Variants in RBFOX1 observed in about 807,000 individuals in gnomAD.
The protein encoded by RBFOX1 is RNA binding fox-1 homolog 1, also known as RNA binding protein fox-1 homolog 1.
RBFOX1 carries 8 observed loss-of-function variants against 57.7 expected under a neutral mutation model. That is an observed-to-expected ratio of 0.14 (90% CI 0.08 to 0.25). The LOEUF is 0.25. Ranked by LOEUF, RBFOX1 falls within the 10% of genes least tolerant of loss-of-function variation. The pLI is 1.00. For synonymous variants in RBFOX1, 326 were observed against 222.4 expected (o/e 1.47, Z -4.15); for missense variants, 611 against 548.5 (o/e 1.11, Z -1.14).
intron 4 of RBFOX1, chr16:7,510,320 T>TG: frequency 1.0e-6 from 1 of 985,806 alleles, no homozygotes; most frequent in Non-Finnish European, 1.2e-6. Context: ...CAGGTATTTT[T>TG]GTTTTTTTTT....
chr16:5,917,869 C>CG (rs2058743205), intron 4 of RBFOX1, among the ~76,000 whole-genome samples: 1 of 152,120 alleles, frequency 6.6e-6, no homozygotes, highest in Non-Finnish European at 1.5e-5. Context: ...CCCTGGTCCC[C>CG]GTCAGGTTCC....
intron 2 of RBFOX1, among the ~76,000 whole-genome samples, chr16:5,514,755 G>A (rs2043729065): frequency 6.6e-6 from 1 of 152,232 alleles, no homozygotes; most frequent in East Asian, 1.9e-4. Context: ...GGAGGAAGGG[G>A]AAGAGGGGGA....
intron 1 of RBFOX1, among the ~76,000 whole-genome samples, chr16:5,277,635 C>T (rs1250355306): frequency 6.6e-6 from 1 of 152,070 alleles, no homozygotes; most frequent in Admixed American, 6.6e-5. Flanking sequence ...TATATAGCTC[C>T]AGGGCACACA....
At chr16:5,712,973 T>G (rs2051549770) in intron 3 of RBFOX1, among the ~76,000 whole-genome samples, 1 of 71,550 alleles carries the variant, frequency 1.4e-5, no homozygotes, top group Non-Finnish European at 4.3e-5. Context: ...TCTGAGGACA[T>G]CCTTGTAGTA....
chr16:6,221,127 A>G (rs2097370599), intron 1 of RBFOX1, among the ~76,000 whole-genome samples: 1 of 152,186 alleles, frequency 6.6e-6, no homozygotes, highest in Admixed American at 6.5e-5. Flanking sequence ...GTGTAATCAT[A>G]GGATTAGGGA....
chr16:6,215,031 A>T lies in RBFOX1; in HGVS notation c.-126-101964A>T, dbSNP rs1318012686. 9.8e-5 allele frequency among the ~76,000 whole-genome samples: 11 copies of T among 112,418 alleles called. No homozygotes were observed. In the East Asian group the frequency reaches 3.8e-3, roughly 38 times the overall value. The allele number at this position is 112,418 out of a possible 152,430, so 73.8% of individuals were successfully genotyped here. A position where few individuals can be genotyped will look rare whatever the true frequency, so the allele number is the denominator to read the frequency against. ...GGGAGAAGGGGAGAGGTAAAAGGAA[A>T]TGGAGAGGGAGAGGGGAGAAGGAGA... On this transcript the variant is annotated intron_variant, in intron 1 of 15. Coordinates refer to ENST00000550418, the MANE Select transcript of RBFOX1 (RefSeq NM_018723.4).
intron 4 of RBFOX1, among the ~76,000 whole-genome samples, chr16:5,931,430 A>G (rs575426046): frequency 5.3e-5 from 8 of 152,150 alleles, no homozygotes; most frequent in Non-Finnish European, 1.0e-4. Context: ...AGTGGGAGAA[A>G]AGTTTGACAG....
chr16:5,912,270 G>C (rs2058618567), intron 4 of RBFOX1, among the ~76,000 whole-genome samples: 1 of 152,146 alleles, frequency 6.6e-6, no homozygotes, highest in Non-Finnish European at 1.5e-5. Flanking sequence ...GGCAAGACCT[G>C]TCAGTTTCTC....
At chr16:5,523,646 GAAAC>G (rs2044116588) in intron 2 of RBFOX1, among the ~76,000 whole-genome samples, 1 of 150,172 alleles carries the variant, frequency 6.7e-6, no homozygotes, top group Non-Finnish European at 1.5e-5. Context: ...CAAACAAACA[GAAAC>G]AAACAAAAAC....
intron 1 of RBFOX1, among the ~76,000 whole-genome samples, chr16:6,302,980 G>A (rs568259343): frequency 6.6e-6 from 1 of 152,286 alleles, no homozygotes; most frequent in Non-Finnish European, 1.5e-5. Flanking sequence ...TTATGTGGGG[G>A]TGTCTCTCAT....
At chr16:7,249,271 C>T (rs1014436080) in intron 4 of RBFOX1, among the ~76,000 whole-genome samples, 1 of 151,992 alleles carries the variant, frequency 6.6e-6, no homozygotes, top group Non-Finnish European at 1.5e-5. Flanking sequence ...TTGTCTTTTT[C>T]TTTCCTTCTT....
At chr16:6,723,417 T>C (rs567106900) in intron 3 of RBFOX1, among the ~76,000 whole-genome samples, 4 of 152,202 alleles carry the variant, frequency 2.6e-5, no homozygotes, top group Non-Finnish European at 5.9e-5. Context: ...TATGGAGTTA[T>C]CTCAAAGATA....
chr16:6,339,239 G>A (rs2152822923), intron 2 of RBFOX1, among the ~76,000 whole-genome samples: 1 of 152,320 alleles, frequency 6.6e-6, no homozygotes, highest in South Asian at 2.1e-4. Context: ...CCTTAGAGGT[G>A]GGACTTTCAT....
Position 7,280,944 on chromosome 16 carries a change from A to ATTCC in RBFOX1, c.27+228847_27+228850dup, listed in dbSNP as rs1568014699. Among the ~76,000 whole-genome samples the ATTCC allele has an allele frequency of 5.5e-4, 75 of 136,584 alleles. 1 individual carries two copies. The highest frequency in any genetic ancestry group is 1.3e-3 in the African/African-American group (45 of 35,626). The allele number at this position is 136,584 out of a possible 152,430, so 89.6% of individuals were successfully genotyped here. A position where few individuals can be genotyped will look rare whatever the true frequency, so the allele number is the denominator to read the frequency against. ...GGGCCTCTTGAATCAATTGCATGTG[A>ATTCC]TTCCCTACCTACCTCCCTCCCTCCC... On this transcript the variant is annotated intron_variant, in intron 4 of 15. Coordinates refer to ENST00000550418, the MANE Select transcript of RBFOX1 (RefSeq NM_018723.4).
chr16:7,612,370 C>T (rs1217061955), intron 10 of RBFOX1, among the ~76,000 whole-genome samples: 1 of 148,508 alleles, frequency 6.7e-6, no homozygotes, highest in Admixed American at 6.7e-5. Context: ...TGTAAGTCCC[C>T]ACACACAAAT....
At chr16:5,532,985 A>G (rs963017935) in intron 2 of RBFOX1, among the ~76,000 whole-genome samples, 1 of 152,210 alleles carries the variant, frequency 6.6e-6, no homozygotes, top group Non-Finnish European at 1.5e-5. Flanking sequence ...TAGAGCATAT[A>G]AAATAAATTA....
At position 7,434,523 on chromosome 16, in the gene RBFOX1, T is replaced by A. The variant is rs139702579; in HGVS notation, c.28-83624T>A. ...AAAAATAAAAAAAATCATCAGGAGA[T>A]GAGGAGATGGACTGGGAAATAAGAC... is the stretch of plus-strand genomic sequence containing the variant. On this transcript the variant is annotated intron_variant, in intron 4 of 15. Transcript: ENST00000550418. Among the ~76,000 whole-genome samples the A allele has an allele frequency of 2.6e-5, 4 of 151,468 alleles. No homozygotes were observed. The East Asian group carries it at 7.8e-4, about 29-fold the overall frequency.
At chr16:6,992,887 C>G (rs1451008156) in intron 3 of RBFOX1, among the ~76,000 whole-genome samples, 1 of 151,608 alleles carries the variant, frequency 6.6e-6, no homozygotes, top group Non-Finnish European at 1.5e-5. Context: ...TCAGTGCCCA[C>G]CGCCCAAGCA....
chr16:5,923,997 A>G (rs1053251285), intron 4 of RBFOX1, among the ~76,000 whole-genome samples: 4 of 152,114 alleles, frequency 2.6e-5, no homozygotes, highest in African/African-American at 7.2e-5. Flanking sequence ...GGTCAGGACA[A>G]TGTGGAGGTA....
Sources: gnomAD v4.1 joint callset for allele counts (sites outside exome capture counted in the v4.1 genomes callset) on GRCh38, gnomAD v4.1.1 for gene constraint, MANE v1.5 for transcripts, NCBI Gene and HGNC (gene_info 2026-07-23, HGNC 2026-07-21) for gene names.